IL17F: variants seen among roughly 807,000 people sequenced by gnomAD.
The protein encoded by IL17F is interleukin 17F, also known as interleukin-17F.
A neutral mutation model predicts 8.3 loss-of-function variants in IL17F; 6 were observed. The observed-to-expected ratio is 0.73, with a 90% confidence interval of 0.40 to 1.43. The LOEUF is 1.43. Ranked by LOEUF, IL17F falls within the 40% of genes most tolerant of loss-of-function variation. The pLI, the probability that IL17F is intolerant of heterozygous loss-of-function variation, is 0.02. For synonymous variants in IL17F, 98 were observed against 81.6 expected, an observed-to-expected ratio of 1.20 and a Z score of -1.08; for missense variants, 204 against 209.6, an observed-to-expected ratio of 0.97 and a Z score of 0.17.
At chr6:52,245,591 C>T (rs1475064611), upstream of IL17F, among the ~76,000 whole-genome samples, 1 of 152,214 alleles carries the variant, frequency 6.6e-6, no homozygotes, top group Non-Finnish European at 1.5e-5. Context: ...GGGTGCACCA[C>T]CCTCCCAGCA....
At chr6:52,244,302 C>A in intron 1 of IL17F, 95 bp downstream of exon 1, 1 of 1,215,636 alleles carries the variant, frequency 8.2e-7, no homozygotes, top group Non-Finnish European at 1.2e-6. Context: ...GAAGTAATTC[C>A]AAAAAGACCC....
rs755388522 is a variant in IL17F, at chr6:52,237,048, T to C, written c.375A>G (p.Gln125=). Residue 125 remains glutamine, a synonymous_variant, in exon 3 of 3, where the codon CAA becomes CAG. Transcript: ENST00000336123. The part of the protein sequence containing the change: ...DISMNSVPIQ[Q]ETLVVRRKHQ... ...GCTTCCTCCGGACGACCAGGGTCTCTTGCTGGATGGGAACGGAATTCATGG... is the reference window on the plus strand; with the variant it reads ...GCTTCCTCCGGACGACCAGGGTCTCCTGCTGGATGGGAACGGAATTCATGG... 26 of 1,614,132 alleles carry C rather than the reference T, an allele frequency of 1.6e-5. No individual in the cohort carries two copies. The South Asian group carries it at 2.1e-4, about 13-fold the overall frequency.
Position 52,237,012 on chromosome 6 carries a change from G to A in IL17F, c.411C>T (p.Cys137=), listed in dbSNP as rs1396005309. 1 of 1,614,216 alleles carries A rather than the reference G, an allele frequency of 6.2e-7. No individual in the cohort carries two copies. The highest frequency in any genetic ancestry group is 1.7e-5 in the Admixed American group (1 of 60,028). Residue 137 remains cysteine (C), a synonymous_variant, in exon 3 of 3, where the codon TGC becomes TGT. Coordinates refer to ENST00000336123, the MANE Select transcript of IL17F (RefSeq NM_052872.4). ...CCTTCTCCAACTGGAAAGAAACAGA[G>A]CAGCCTTGGTGCTTCCTCCGGACGA... The part of the protein sequence containing the change: ...TLVVRRKHQG[C]SVSFQLEKVL...
chr6:52,242,052 A>G (rs1764084344), intron 1 of IL17F, among the ~76,000 whole-genome samples: 1 of 152,218 alleles, frequency 6.6e-6, no homozygotes, highest in South Asian at 2.1e-4. Context: ...TTTAGTGGTT[A>G]TGTAATACAG....
At position 52,236,878 on chromosome 6, in the gene IL17F, T is replaced by G. The variant is rs1763968610; in HGVS notation, c.*53A>C. ...TCAGACAGGACTTGTTGCAGAGCAC[T>G]GGGTAAGGAGTGGCATTTCTACAGC... On this transcript the variant is annotated 3_prime_UTR_variant, in exon 3 of 3. Transcript: ENST00000336123. 3.5e-6 allele frequency: 5 copies of G among 1,415,432 alleles called. No individual in the cohort carries two copies. In the Middle Eastern group the frequency reaches 7.5e-4, roughly 211 times the overall value. The allele number at this position is 1,415,432 out of a possible 1,614,324, so 87.7% of individuals were successfully genotyped here. A position where few individuals can be genotyped will look rare whatever the true frequency, so the allele number is the denominator to read the frequency against.
intron 1 of IL17F, among the ~76,000 whole-genome samples, chr6:52,243,004 G>A (rs369815893): frequency 6.2e-4 from 95 of 152,230 alleles, no homozygotes; most frequent in African/African-American, 2.2e-3. Context: ...AGGAAACGGA[G>A]GCACAGAGAA....
intron 1 of IL17F, among the ~76,000 whole-genome samples, chr6:52,240,798 G>A (rs1186394687): frequency 6.6e-6 from 1 of 151,924 alleles, no homozygotes; most frequent in Non-Finnish European, 1.5e-5. Flanking sequence ...TTTACAGTGT[G>A]GTAGCTCAGG....
chr6:52,239,129 T>C lies in IL17F; in HGVS notation c.34-179A>G, dbSNP rs923081662. On this transcript the variant is annotated intron_variant, in intron 1 of 2. Transcript: ENST00000336123. ...ACCTAAAGGTATCAAGGTGCCAAACTGAGAACTAAACTCAGTAGCCTAGCT... is the reference window on the plus strand; with the variant it reads ...ACCTAAAGGTATCAAGGTGCCAAACCGAGAACTAAACTCAGTAGCCTAGCT... 3.4e-5 allele frequency: 22 copies of C among 638,752 alleles called. No individual in the cohort carries two copies. In the Admixed American group the frequency reaches 4.4e-4, roughly 13 times the overall value. 39.6% of individuals were successfully genotyped at this position (638,752 alleles called of 1,614,324 possible).
rs1444198450 is a variant in IL17F, at chr6:52,237,158, C to G, written c.265G>C (p.Asp89His). ...TSPWNYTVTW[D>H]PNRYPSEVVQ... ...ACTTCCGAGGGGTACCGGTTGGGGT[C>G]CCAAGTGACACTGCAGGAGGAGCAA... Residue 89 changes from aspartate (D) to histidine (H), a missense_variant, in exon 3 of 3, where the codon GAC becomes CAC. Physicochemically the swap from Asp to His is moderately conservative, Grantham distance 81. Coordinates refer to ENST00000336123, the MANE Select transcript of IL17F (RefSeq NM_052872.4). 1 of 1,613,670 alleles carries G rather than the reference C, an allele frequency of 6.2e-7. No individual in the cohort carries two copies. Among genetic ancestry groups the G allele is most frequent in the Admixed American group, 1.7e-5 (1 of 60,000 alleles).
Position 52,244,463 on chromosome 6 carries a change from C to A in IL17F, c.-34G>T, listed in dbSNP as rs1452935653. Reference sequence around the variant, plus strand: ...GGTGGCTTACTTTGTGCAGGAAGCTCTTTCTGTGAATGTATCTTCCTGTGT... The same window carrying A: ...GGTGGCTTACTTTGTGCAGGAAGCTATTTCTGTGAATGTATCTTCCTGTGT... On this transcript the variant is annotated 5_prime_UTR_variant, in exon 1 of 3. Coordinates refer to ENST00000336123, the MANE Select transcript of IL17F (RefSeq NM_052872.4). 3 of 1,610,740 alleles carry A rather than the reference C, an allele frequency of 1.9e-6. No individual in the cohort carries two copies. The highest frequency in any genetic ancestry group is 2.5e-6 in the Non-Finnish European group (3 of 1,176,908).
chr6:52,239,951 G>T (rs1259943364), intron 1 of IL17F, among the ~76,000 whole-genome samples: 1 of 152,096 alleles, frequency 6.6e-6, no homozygotes, highest in Middle Eastern at 3.2e-3. Context: ...TTATACTTAC[G>T]TTGAAATGCC....
chr6:52,243,755 G>A lies in IL17F; in HGVS notation c.33+642C>T, dbSNP rs11465544. On this transcript the variant is annotated intron_variant, in intron 1 of 2. Coordinates refer to ENST00000336123, the MANE Select transcript of IL17F (RefSeq NM_052872.4). ...ACACCACCTGGGCAAAAGCCATTGG[G>A]TGAGGAGCTGCATTTTTTTTTCTTT... Among the ~76,000 whole-genome samples, 226 of 152,244 alleles carry A rather than the reference G, an allele frequency of 1.5e-3. 1 individual carries two copies. Among genetic ancestry groups the A allele is most frequent in the African/African-American group, 4.6e-3 (191 of 41,560 alleles).
intron 1 of IL17F, 155 bp from the exon 2 acceptor site, chr6:52,239,105 C>G (rs1458281156): frequency 4.3e-6 from 3 of 705,032 alleles, no homozygotes; most frequent in Non-Finnish European, 7.5e-6. Context: ...AACACTCACA[C>G]CTAAAGGTAT....
intron 1 of IL17F, among the ~76,000 whole-genome samples, chr6:52,239,568 C>T (rs1267995672): frequency 6.6e-6 from 1 of 152,126 alleles, no homozygotes; most frequent in Non-Finnish European, 1.5e-5. Context: ...ATGGTTCAAT[C>T]AGAAGCATGT....
intron 1 of IL17F, 47 bp from the exon 2 acceptor site, chr6:52,238,997 A>G (rs924267058): frequency 6.6e-7 from 1 of 1,525,384 alleles, no homozygotes; most frequent in East Asian, 2.2e-5. Context: ...CGCCTCACCT[A>G]CTAGCAAGAG....
In IL17F at chr6:52,238,958, A is replaced by C; in HGVS notation, c.34-8T>G. On this transcript the variant is annotated splice_polypyrimidine_tract_variant and splice_region_variant and intron_variant, in intron 1 of 2. Coordinates refer to ENST00000336123, the MANE Select transcript of IL17F (RefSeq NM_052872.4). ...CAGCAGCAAGTACTTGACCTGGAAAATAGAAGACGCTGCAATCAGTTAGAG... is the reference window on the plus strand; with the variant it reads ...CAGCAGCAAGTACTTGACCTGGAAACTAGAAGACGCTGCAATCAGTTAGAG... 1 of 1,611,918 alleles carries C rather than the reference A, an allele frequency of 6.2e-7. No individual in the cohort carries two copies. The highest frequency in any genetic ancestry group is 2.0e-4 in the Middle Eastern group (1 of 4,966).
Position 52,236,775 on chromosome 6 carries a change from C to T in IL17F, c.*156G>A. ...TCAAATATAAAGTGTAGTACATACA[C>T]ACATACATTGTGAATATTTTCTGTT... On this transcript the variant is annotated 3_prime_UTR_variant, in exon 3 of 3. Coordinates refer to ENST00000336123, the MANE Select transcript of IL17F (RefSeq NM_052872.4). The T allele has an allele frequency of 2.7e-6, 2 of 735,468 alleles. No individual in the cohort carries two copies. The highest frequency in any genetic ancestry group is 5.0e-6 in the Non-Finnish European group (2 of 401,294). 45.6% of individuals were successfully genotyped at this position (735,468 alleles called of 1,614,324 possible). A position where few individuals can be genotyped will look rare whatever the true frequency, so the allele number is the denominator to read the frequency against.
chr6:52,242,564 C>T (rs1218471019), intron 1 of IL17F, among the ~76,000 whole-genome samples: 1 of 152,226 alleles, frequency 6.6e-6, no homozygotes, highest in Non-Finnish European at 1.5e-5. Context: ...AACAGAATTG[C>T]TTGGATGCAA....
At chr6:52,238,678 G>T in intron 2 of IL17F, 52 bp downstream of exon 2, 2 of 1,400,280 alleles carry the variant, frequency 1.4e-6, no homozygotes, top group South Asian at 1.2e-5. Flanking sequence ...TGATTAGAAT[G>T]AATTAACATA....
Sources: allele counts gnomAD v4.1 joint callset (sites outside exome capture counted in the v4.1 genomes callset), GRCh38; gene constraint gnomAD v4.1.1; transcripts MANE v1.5; gene names NCBI Gene and HGNC (gene_info 2026-07-23, HGNC 2026-07-21).